The following MAP3K15 variants were observed in gnomAD, a reference collection of about 807,000 sequenced individuals.
MAP3K15 encodes the protein mitogen-activated protein kinase kinase kinase 15.
MAP3K15 carries 124 observed loss-of-function variants against 99.5 expected under a neutral mutation model. The ratio of observed to expected loss-of-function variants is 1.25; its 90% CI spans 1.08 to 1.45. The LOEUF (loss-of-function observed/expected upper bound fraction) is 1.45. MAP3K15 is among the 40% of genes most tolerant of loss of function. MAP3K15 has a pLI of 0.00. For synonymous variants in MAP3K15, 494 were observed against 439.6 expected (o/e 1.12, Z -1.55); for missense variants, 1,242 against 1,079.7 (o/e 1.15, Z -2.11).
At chrX:19,468,199 G>C (rs1338914057) in intron 3 of MAP3K15, among the ~76,000 whole-genome samples, 2 of 112,266 alleles carry the variant, frequency 1.8e-5, no homozygotes, top group African/African-American at 6.5e-5. Flanking sequence ...GCAATTAAGA[G>C]AAGGCTGGTA....
chrX:19,404,841 C>G (rs1244632833), intron 13 of MAP3K15, among the ~76,000 whole-genome samples: 3 of 111,632 alleles, frequency 2.7e-5, no homozygotes, highest in Admixed American at 9.6e-5. Context: ...GGAACCCCTA[C>G]CTTACACCAC....
At chrX:19,396,112 G>A (rs1479115852) in intron 15 of MAP3K15, among the ~76,000 whole-genome samples, 2 of 111,471 alleles carry the variant, frequency 1.8e-5, no homozygotes, top group Non-Finnish European at 3.8e-5. Context: ...CCTCTATCAT[G>A]GCACTTGGCA....
intron 2 of MAP3K15, 73 bp downstream of exon 2, chrX:19,488,755 G>C: frequency 2.0e-6 from 2 of 1,020,558 alleles, no homozygotes; most frequent in African/African-American, 3.7e-5. Context: ...CTGTGCTACT[G>C]TGGCATTTCA....
At chrX:19,376,868 A>G (rs2063421910) in intron 19 of MAP3K15, 1 of 110,116 alleles carries the variant, frequency 9.1e-6, no homozygotes, top group Admixed American at 9.7e-5. Flanking sequence ...TCACTTGACT[A>G]GTTAAAAAAA....
At chrX:19,370,543 G>A (rs960644242) in intron 24 of MAP3K15, among the ~76,000 whole-genome samples, 4 of 110,692 alleles carry the variant, frequency 3.6e-5, no homozygotes, top group African/African-American at 9.9e-5. Flanking sequence ...TTACAGGCAC[G>A]TGCCACCAAG....
chrX:19,418,086 T>C (rs1218778197), intron 9 of MAP3K15, among the ~76,000 whole-genome samples: 1 of 110,944 alleles, frequency 9.0e-6, no homozygotes, highest in Non-Finnish European at 1.9e-5. Context: ...ACCACAAAGA[T>C]GGGGAAGAAA....
At chrX:19,374,864 C>T (rs745617769) in intron 19 of MAP3K15, among the ~76,000 whole-genome samples, 12 of 111,760 alleles carry the variant, frequency 1.1e-4, no homozygotes, top group Non-Finnish European at 2.1e-4. Context: ...TGACTTTGAC[C>T]AACAGATAGT....
intron 5 of MAP3K15, among the ~76,000 whole-genome samples, chrX:19,457,238 C>T (rs1054204302): frequency 8.9e-6 from 1 of 111,813 alleles, no homozygotes; most frequent in Non-Finnish European, 1.9e-5. Context: ...TCCCTGCTAT[C>T]AAAGGGCATG....
At chrX:19,418,950 T>C (rs1463492202) in intron 9 of MAP3K15, among the ~76,000 whole-genome samples, 1 of 111,342 alleles carries the variant, frequency 9.0e-6, no homozygotes, top group South Asian at 3.7e-4. Context: ...GCTTCATAAG[T>C]GAAGGAGAAA....
At chrX:19,388,275 A>C (rs1313402216) in intron 18 of MAP3K15, among the ~76,000 whole-genome samples, 1 of 111,892 alleles carries the variant, frequency 8.9e-6, no homozygotes, top group African/African-American at 3.3e-5. Flanking sequence ...TTAATTCCTG[A>C]ATTCAGACTG....
chrX:19,461,985 G>C (rs1440195057), intron 4 of MAP3K15, among the ~76,000 whole-genome samples: 2 of 100,011 alleles, frequency 2.0e-5, no homozygotes, highest in African/African-American at 4.0e-5. Flanking sequence ...AGTGAGACTT[G>C]GTCTAAAACA....
chrX:19,489,617 TC>T (rs763099259), intron 1 of MAP3K15, among the ~76,000 whole-genome samples: 26 of 111,037 alleles, frequency 2.3e-4, no homozygotes, highest in East Asian at 8.5e-4. Context: ...GGAGCTGCTT[TC>T]CCCCTTTCAT....
At chrX:19,467,104 C>A (rs1031243978) in intron 3 of MAP3K15, among the ~76,000 whole-genome samples, 1 of 111,548 alleles carries the variant, frequency 9.0e-6, no homozygotes, top group African/African-American at 3.3e-5. Flanking sequence ...AGACTGAACA[C>A]CCCTGATTTA....
intron 1 of MAP3K15, among the ~76,000 whole-genome samples, chrX:19,498,051 T>C (rs904954571): frequency 8.9e-6 from 1 of 112,075 alleles, no homozygotes; most frequent in Non-Finnish European, 1.9e-5. Context: ...AAAGAATATA[T>C]ACTAACAAGT....
intron 13 of MAP3K15, among the ~76,000 whole-genome samples, chrX:19,404,174 TACAAA>T (rs1395402232): frequency 8.9e-6 from 1 of 111,875 alleles, no homozygotes; most frequent in Non-Finnish European, 1.9e-5. Flanking sequence ...GGTTGTAAGT[TACAAA>T]ATCAACATTT....
At chrX:19,391,629 C>T (rs759689515) in intron 18 of MAP3K15, among the ~76,000 whole-genome samples, 6 of 90,724 alleles carry the variant, frequency 6.6e-5, no homozygotes, top group Admixed American at 1.3e-4. Context: ...GAGCCGAGAT[C>T]GTGCCACTGC....
At position 19,395,147 on chromosome X, in the gene MAP3K15, C is replaced by A. The variant is rs146183359; in HGVS notation, c.2128G>T (p.Val710Phe). 32 of 1,206,108 alleles carry A rather than the reference C, an allele frequency of 2.7e-5. No homozygotes were observed. In the African/African-American group the frequency reaches 4.8e-4, roughly 18 times the overall value. The change falls in exon 16 of 29, where the codon GTT becomes TTT. Residue 710 changes from valine (V) to phenylalanine (F), a missense_variant. By Grantham distance (50) the Val-to-Phe change is conservative. Transcript: ENST00000338883. The part of the protein sequence containing the change: ...LHKYLKHRNI[V>F]QYLGSVSENG... ...TCTGAAACAGAGCCCAGGTACTGAA[C>A]GATATTGCGGTGCTTAAGGTACTTG...
At chrX:19,492,430 G>T (rs2064374245) in intron 1 of MAP3K15, among the ~76,000 whole-genome samples, 1 of 111,344 alleles carries the variant, frequency 9.0e-6, no homozygotes. Flanking sequence ...AATCAAGAGA[G>T]TTTTTTAGCA....
chrX:19,455,800 T>C (rs1407338680), intron 6 of MAP3K15, among the ~76,000 whole-genome samples: 1 of 111,080 alleles, frequency 9.0e-6, no homozygotes, highest in African/African-American at 3.3e-5. Context: ...TAAAAGGCCC[T>C]TATAGTTTTT....
Sources: allele counts gnomAD v4.1 joint callset (sites outside exome capture counted in the v4.1 genomes callset), GRCh38; gene constraint gnomAD v4.1.1; transcripts MANE v1.5; gene names NCBI Gene and HGNC (gene_info 2026-07-23, HGNC 2026-07-21).